CDH19: variants seen among roughly 807,000 people sequenced by gnomAD.
CDH19 encodes cadherin 19, also known as cadherin-19.
In CDH19, 67 loss-of-function variants were observed where a neutral mutation model predicts 64.2. The observed-to-expected ratio is 1.04, with a 90% CI of 0.86 to 1.28. CDH19 has a LOEUF of 1.28. CDH19 is among the 50% of genes most tolerant of loss of function. The pLI is 0.00. For missense variants in CDH19, 1,030 were observed against 929.0 expected (o/e 1.11, Z -1.41); for synonymous variants, 346 against 319.3 (o/e 1.08, Z -0.89).
At chr18:66,568,778 TC>T (rs1479400016) in intron 2 of CDH19, 68 bp from the exon 3 acceptor site, 2 of 1,289,978 alleles carry the variant, frequency 1.6e-6, no homozygotes, top group South Asian at 1.5e-5. Context: ...ATCAAGATTT[TC>T]TTTTTATGTA....
intron 1 of CDH19, among the ~76,000 whole-genome samples, chr18:66,600,978 G>T (rs1989024019): frequency 6.6e-6 from 1 of 151,780 alleles, no homozygotes; most frequent in Admixed American, 6.6e-5. Context: ...AAATACTATG[G>T]GGGAAGAGTT....
intron 1 of CDH19, among the ~76,000 whole-genome samples, chr18:66,597,550 T>G (rs1257545076): frequency 6.6e-6 from 1 of 152,034 alleles, no homozygotes; most frequent in East Asian, 1.9e-4. Flanking sequence ...TGGCAAAGAT[T>G]CCATAACAGA....
chr18:66,563,508 G>T (rs1395186017), intron 3 of CDH19, among the ~76,000 whole-genome samples: 1 of 151,932 alleles, frequency 6.6e-6, no homozygotes, highest in Non-Finnish European at 1.5e-5. Flanking sequence ...ATATTATAGT[G>T]ATCCACACTC....
At chr18:66,508,937 C>T (rs936104626) in intron 11 of CDH19, 58 bp downstream of exon 11, 1 of 1,558,270 alleles carries the variant, frequency 6.4e-7, no homozygotes, top group African/African-American at 1.4e-5. Flanking sequence ...CAGTTCAGCA[C>T]CACCTACCAA....
At chr18:66,517,979 CTTTA>C (rs1417415644) in intron 9 of CDH19, among the ~76,000 whole-genome samples, 4 of 151,518 alleles carry the variant, frequency 2.6e-5, no homozygotes, top group Non-Finnish European at 5.9e-5. Context: ...TTTTCAGTGA[CTTTA>C]TTTTATATGT....
chr18:66,569,730 T>G (rs1179167494), intron 2 of CDH19, among the ~76,000 whole-genome samples: 1 of 151,720 alleles, frequency 6.6e-6, no homozygotes, highest in African/African-American at 2.4e-5. Flanking sequence ...AAGAGAAGAA[T>G]GTCATGGTTC....
chr18:66,577,668 C>G (rs537763591), intron 1 of CDH19, among the ~76,000 whole-genome samples: 1 of 151,998 alleles, frequency 6.6e-6, no homozygotes, highest in African/African-American at 2.4e-5. Context: ...TGGACCATAT[C>G]AAAATGGAGA....
chr18:66,563,387 A>G (rs949653768), intron 3 of CDH19, among the ~76,000 whole-genome samples: 1 of 152,072 alleles, frequency 6.6e-6, no homozygotes, highest in Non-Finnish European at 1.5e-5. Context: ...TTAATGGAAA[A>G]GCTATTTTTA....
intron 3 of CDH19, among the ~76,000 whole-genome samples, chr18:66,562,862 A>G (rs945151530): frequency 9.2e-5 from 14 of 152,134 alleles, no homozygotes; most frequent in Non-Finnish European, 1.9e-4. Context: ...ATCAATAATA[A>G]TTTATCCAAA....
chr18:66,517,394 C>T (rs2144367780), intron 9 of CDH19, among the ~76,000 whole-genome samples: 1 of 152,060 alleles, frequency 6.6e-6, no homozygotes, highest in East Asian at 1.9e-4. Context: ...AAAATAATGG[C>T]ACTCAGTGAT....
At chr18:66,531,932 T>C (rs1365498595) in intron 8 of CDH19, among the ~76,000 whole-genome samples, 2 of 152,158 alleles carry the variant, frequency 1.3e-5, no homozygotes, top group African/African-American at 4.8e-5. Context: ...TAACCAGACA[T>C]GTATTTTGTG....
chr18:66,550,415 G>A (rs540640654), intron 5 of CDH19, among the ~76,000 whole-genome samples: 2 of 152,244 alleles, frequency 1.3e-5, no homozygotes, highest in South Asian at 4.2e-4. Context: ...AAAGATATCT[G>A]TGTCCAAATT....
At chr18:66,582,408 CTT>C (rs1988449351) in intron 1 of CDH19, among the ~76,000 whole-genome samples, 1 of 151,856 alleles carries the variant, frequency 6.6e-6, no homozygotes, top group African/African-American at 2.4e-5. Flanking sequence ...CATAAAAAGA[CTT>C]TGAAATGGCT....
intron 9 of CDH19, among the ~76,000 whole-genome samples, chr18:66,522,838 T>G (rs1986055298): frequency 6.6e-6 from 1 of 151,758 alleles, no homozygotes; most frequent in Non-Finnish European, 1.5e-5. Flanking sequence ...TGGAAACTAA[T>G]GTTGAACTAT....
chr18:66,547,622 G>A (rs940652965), intron 5 of CDH19, among the ~76,000 whole-genome samples: 6 of 151,786 alleles, frequency 4.0e-5, no homozygotes, highest in Admixed American at 1.3e-4. Flanking sequence ...TTCAGAGGAG[G>A]GGCAGCTGGA....
intron 9 of CDH19, among the ~76,000 whole-genome samples, chr18:66,512,546 CAAAAA>C (rs1350597951): frequency 6.6e-6 from 1 of 151,252 alleles, no homozygotes; most frequent in Non-Finnish European, 1.5e-5. Context: ...TATTATACTT[CAAAAA>C]AATAGATACA....
At chr18:66,544,652 C>T in intron 6 of CDH19, 67 bp downstream of exon 6, 1 of 1,088,916 alleles carries the variant, frequency 9.2e-7, no homozygotes, top group South Asian at 1.8e-5. Context: ...AACTAACCAG[C>T]TACACAAAAT....
chr18:66,565,790 T>C lies in CDH19; in HGVS notation c.490+2626A>G, dbSNP rs532116839. ...CCCTATTTCCATATTATATAACACTTCTAATAGCAACTGACCATCACTCAG... is the reference window on the plus strand; with the variant it reads ...CCCTATTTCCATATTATATAACACTCCTAATAGCAACTGACCATCACTCAG... On this transcript the variant is annotated intron_variant, in intron 3 of 11. Transcript: ENST00000262150. Among the ~76,000 whole-genome samples, 7 of 151,970 alleles carry C rather than the reference T, an allele frequency of 4.6e-5. No individual in the cohort carries two copies. The South Asian group carries it at 1.2e-3, about 27-fold the overall frequency.
chr18:66,561,612 T>C (rs1031987614), intron 3 of CDH19, among the ~76,000 whole-genome samples: 3 of 151,956 alleles, frequency 2.0e-5, no homozygotes, highest in African/African-American at 7.2e-5. Flanking sequence ...GACCGAAGGG[T>C]CCAAAGTTCA....
Sources: gnomAD v4.1 joint callset for allele counts (sites outside exome capture counted in the v4.1 genomes callset) on GRCh38, gnomAD v4.1.1 for gene constraint, MANE v1.5 for transcripts, NCBI Gene and HGNC (gene_info 2026-07-23, HGNC 2026-07-21) for gene names.